The following ABCB7 variants were observed in gnomAD, a reference collection of about 807,000 sequenced individuals.
The protein encoded by ABCB7 is ATP binding cassette subfamily B member 7.
In ABCB7, 7 loss-of-function variants were observed where a neutral mutation model predicts 54.4. The observed-to-expected ratio is 0.13, with a 90% CI of 0.07 to 0.24. The LOEUF is 0.24. Ranked by LOEUF, ABCB7 falls within the 10% of genes least tolerant of loss-of-function variation. The pLI is 1.00. For missense variants in ABCB7, 356 were observed against 570.4 expected (o/e 0.62, Z 3.83); for synonymous variants, 218 against 207.1 (o/e 1.05, Z -0.45).
intron 13 of ABCB7, chrX:75,062,754 G>T: frequency 6.0e-6 from 1 of 167,447 alleles, no homozygotes; most frequent in Non-Finnish European, 1.1e-5. Flanking sequence ...TTATATTACA[G>T]ATAATTCTCA....
chrX:75,115,788 G>C (rs749436057), intron 1 of ABCB7, among the ~76,000 whole-genome samples: 16 of 93,133 alleles, frequency 1.7e-4, no homozygotes, highest in Non-Finnish European at 2.6e-4. Context: ...GTGTGTGTTG[G>C]GGGGGGGGGC....
chrX:75,115,299 A>T (rs1219199579), intron 1 of ABCB7, among the ~76,000 whole-genome samples: 3 of 98,659 alleles, frequency 3.0e-5, no homozygotes, highest in African/African-American at 7.4e-5. Flanking sequence ...AAAAAAAAAA[A>T]TGACAAAAAT....
At position 75,147,280 on chromosome X, in the gene ABCB7, A is replaced by C. The variant is rs183239376; in HGVS notation, c.168+8825T>G. ...GTGTGGCAATTCCTCAAAGAATGAA[A>C]AACAGAATTACCATTTGACCCAGCA... On this transcript the variant is annotated intron_variant, in intron 1 of 15. Transcript: ENST00000373394. Among the ~76,000 whole-genome samples the C allele has an allele frequency of 5.4e-5, 6 of 111,813 alleles. No individual in the cohort carries two copies. The East Asian group carries it at 1.1e-3, about 21-fold the overall frequency.
intron 1 of ABCB7, among the ~76,000 whole-genome samples, chrX:75,140,690 C>T (rs1450102676): frequency 9.0e-6 from 1 of 111,218 alleles, no homozygotes; most frequent in African/African-American, 3.3e-5. Flanking sequence ...TCTCTGCTCT[C>T]CTTTATAGAC....
chrX:75,123,416 T>A (rs1472699869), intron 1 of ABCB7, among the ~76,000 whole-genome samples: 1 of 112,099 alleles, frequency 8.9e-6, no homozygotes, highest in Non-Finnish European at 1.9e-5. Flanking sequence ...AGTACCATAC[T>A]GTTTTGATTA....
chrX:75,109,059 T>A (rs1408451982), intron 3 of ABCB7, among the ~76,000 whole-genome samples: 1 of 111,375 alleles, frequency 9.0e-6, no homozygotes, highest in South Asian at 3.7e-4. Context: ...CAAAAACAAA[T>A]ACATAAATAA....
chrX:75,053,994 C>T lies in ABCB7; in HGVS notation c.2044-409G>A, dbSNP rs2081215765. Among the ~76,000 whole-genome samples, 4 of 111,240 alleles carry T rather than the reference C, an allele frequency of 3.6e-5. No individual in the cohort carries two copies. The South Asian group carries it at 1.5e-3, about 42-fold the overall frequency. On this transcript the variant is annotated intron_variant, in intron 15 of 15. Transcript: ENST00000373394. ...GATTTAAAAATAATATCCTTAAATCCTTATGTGTACTTTGAAATAAAAAAG... is the reference window on the plus strand; with the variant it reads ...GATTTAAAAATAATATCCTTAAATCTTTATGTGTACTTTGAAATAAAAAAG...
chrX:75,120,338 T>C (rs1249319762), intron 1 of ABCB7, among the ~76,000 whole-genome samples: 1 of 112,048 alleles, frequency 8.9e-6, no homozygotes, highest in East Asian at 2.8e-4. Context: ...TGGCTGGGCA[T>C]GGTGGCTCAC....
intron 1 of ABCB7, among the ~76,000 whole-genome samples, chrX:75,142,639 GA>G (rs2082062089): frequency 8.9e-6 from 1 of 112,328 alleles, no homozygotes; most frequent in Non-Finnish European, 1.9e-5. Flanking sequence ...CTACCCACAA[GA>G]CTTCAATATT....
intron 3 of ABCB7, among the ~76,000 whole-genome samples, chrX:75,108,683 T>C (rs1401647819): frequency 9.1e-6 from 1 of 109,462 alleles, no homozygotes; most frequent in East Asian, 2.8e-4. Context: ...TTTTCAGAAA[T>C]GACTTTAGAA....
rs974351150 is a variant in ABCB7, at chrX:75,070,755, T to C, written c.1208-233A>G. Among the ~76,000 whole-genome samples, 5 of 111,015 alleles carry C rather than the reference T, an allele frequency of 4.5e-5. No individual in the cohort carries two copies. In the Admixed American group the frequency reaches 4.8e-4, roughly 11 times the overall value. The stretch of plus-strand genomic sequence containing the variant: ...ACTATATATAATATATAAAAAAGAA[T>C]GGTTTAAGTGAGGATAGAAATTGAA... On this transcript the variant is annotated intron_variant, in intron 9 of 15. Transcript: ENST00000373394.
chrX:75,114,317 C>T (rs1391795222), intron 2 of ABCB7, among the ~76,000 whole-genome samples: 5 of 111,851 alleles, frequency 4.5e-5, no homozygotes, highest in Admixed American at 9.5e-5. Flanking sequence ...CTTATATTAG[C>T]AATGAAAAAT....
At chrX:75,091,689 A>T (rs2081545098) in intron 4 of ABCB7, among the ~76,000 whole-genome samples, 1 of 110,430 alleles carries the variant, frequency 9.1e-6, no homozygotes, top group African/African-American at 3.3e-5. Context: ...AAAAAAAATC[A>T]ACAAAAAACC....
rs190142761 is a variant in ABCB7, at chrX:75,123,785, G to T, written c.169-8954C>A. ...TTTTGATGCTATGGTAAATGAGATT[G>T]TTTTCTTGAGCTCGCTTTTCCAGAC... On this transcript the variant is annotated intron_variant, in intron 1 of 15. Coordinates refer to ENST00000373394, the MANE Select transcript of ABCB7 (RefSeq NM_001271696.3). 2.6e-3 allele frequency among the ~76,000 whole-genome samples: 285 copies of T among 110,797 alleles called. 1 individual carries two copies. Among genetic ancestry groups the T allele is most frequent in the African/African-American group, 8.8e-3 (267 of 30,501 alleles).
chrX:75,075,430 C>A lies in ABCB7; in HGVS notation c.787G>T (p.Val263Phe), dbSNP rs2147470677. Residue 263 changes from valine (V) to phenylalanine (F), a missense_variant, in exon 6 of 16, where the codon GTC becomes TTC. Physicochemically the swap from Val to Phe is conservative, Grantham distance 50. This residue lies in a region of ABCB7 where 241 missense variants were observed against 470.9 expected (regional missense o/e 0.51). Transcript: ENST00000373394. Reference sequence around the variant, plus strand: ...AGATTAAATACCAAAGCACTCAGGACAAAACTGATACCCCTTGTTCCTCTG... The same window carrying A: ...AGATTAAATACCAAAGCACTCAGGAAAAAACTGATACCCCTTGTTCCTCTG... ...IDRGTRGISF[V>F]LSALVFNLLP... is the part of the protein sequence containing the mutation. The A allele has an allele frequency of 8.3e-7, 1 of 1,210,875 alleles. No homozygotes were observed. Among genetic ancestry groups the A allele is most frequent in the African/African-American group, 1.7e-5 (1 of 57,807 alleles).
Position 75,070,506 on chromosome X carries a change from T to C in ABCB7, c.1224A>G (p.Gly408=), listed in dbSNP as rs769136232. The C allele has an allele frequency of 3.3e-6, 4 of 1,209,982 alleles. No homozygotes were observed. The highest frequency in any genetic ancestry group is 1.8e-5 in the South Asian group (1 of 56,914). Reference sequence around the variant, plus strand: ...GCAGTCCATTCACCATTACTAGATCTCCAACAGTAAGGGTACCTTAAAAGG... The same window carrying C: ...GCAGTCCATTCACCATTACTAGATCCCCAACAGTAAGGGTACCTTAAAAGG... ...QGIVAGTLTV[G]DLVMVNGLLF... Residue 408 remains glycine, a synonymous_variant, in exon 10 of 16, where the codon GGA becomes GGG. Transcript: ENST00000373394.
chrX:75,114,546 AG>A (rs1472183791), intron 2 of ABCB7, among the ~76,000 whole-genome samples: 1 of 112,642 alleles, frequency 8.9e-6, no homozygotes, highest in Non-Finnish European at 1.9e-5. Context: ...CACTGATTCA[AG>A]AGATTCAGAT....
In ABCB7 at chrX:75,053,600, C is replaced by T. The variant is rs2081212464; in HGVS notation, c.2044-15G>A. ...GCTACCTTACCCTAAAAAGTAAACA[C>T]ATGAGAAACACGGAGAAAGGTCATT... is the stretch of plus-strand genomic sequence containing the variant. On this transcript the variant is annotated splice_polypyrimidine_tract_variant and intron_variant, in intron 15 of 15. Coordinates refer to ENST00000373394, the MANE Select transcript of ABCB7 (RefSeq NM_001271696.3). 4 of 1,171,741 alleles carry T rather than the reference C, an allele frequency of 3.4e-6. No individual in the cohort carries two copies. The highest frequency in any genetic ancestry group is 1.8e-5 in the African/African-American group (1 of 56,648).
intron 15 of ABCB7, among the ~76,000 whole-genome samples, chrX:75,054,041 T>C (rs768849075): frequency 8.9e-6 from 1 of 112,332 alleles, no homozygotes; most frequent in African/African-American, 3.2e-5. Context: ...TAAAAAAGAT[T>C]TAATGAAAAT....
Sources: gnomAD v4.1 joint callset for allele counts (sites outside exome capture counted in the v4.1 genomes callset) on GRCh38, gnomAD v4.1.1 for gene constraint, gnomAD v4.1.1 regional missense constraint, MANE v1.5 for transcripts, NCBI Gene and HGNC (gene_info 2026-07-23, HGNC 2026-07-21) for gene names.